The following NKAIN2 variants were observed in gnomAD, a reference collection of about 807,000 sequenced individuals.
The protein encoded by NKAIN2 is sodium/potassium transporting ATPase interacting 2.
A neutral mutation model predicts 32.6 loss-of-function variants in NKAIN2; 14 were observed. The observed-to-expected ratio is 0.43, with a 90% CI of 0.28 to 0.67. NKAIN2 has a LOEUF of 0.67. Among genes scored for constraint, NKAIN2 ranks in the 30% least tolerant of loss-of-function variants. NKAIN2 has a pLI of 0.17. For synonymous variants in NKAIN2, 80 were observed against 87.2 expected, an observed-to-expected ratio of 0.92 and a Z score of 0.46; for missense variants, 198 against 258.3, an observed-to-expected ratio of 0.77 and a Z score of 1.60.
At chr6:124,123,686 A>G (rs1786006021) in intron 1 of NKAIN2, among the ~76,000 whole-genome samples, 1 of 152,078 alleles carries the variant, frequency 6.6e-6, no homozygotes, top group South Asian at 2.1e-4. Context: ...TAATTCTCAT[A>G]ATGACTTTGT....
At chr6:124,093,771 C>T (rs1052153680) in intron 1 of NKAIN2, among the ~76,000 whole-genome samples, 2 of 152,014 alleles carry the variant, frequency 1.3e-5, no homozygotes, top group African/African-American at 2.4e-5. Flanking sequence ...TAAGGGAGCC[C>T]GCTATAGCAG....
chr6:124,154,268 A>G (rs536820825), intron 1 of NKAIN2, among the ~76,000 whole-genome samples: 115 of 151,988 alleles, frequency 7.6e-4, no homozygotes, highest in Admixed American at 1.8e-3. Flanking sequence ...TTTGAATGAT[A>G]TCACTGGATA....
chr6:124,372,376 A>C (rs1799807543), intron 3 of NKAIN2, among the ~76,000 whole-genome samples: 1 of 152,098 alleles, frequency 6.6e-6, no homozygotes, highest in Admixed American at 6.6e-5. Flanking sequence ...TCAGATCTTC[A>C]GGGTCTGTTC....
At chr6:124,788,314 C>G (rs1053459344) in intron 4 of NKAIN2, among the ~76,000 whole-genome samples, 1 of 152,000 alleles carries the variant, frequency 6.6e-6, no homozygotes, top group Admixed American at 6.6e-5. Flanking sequence ...AAAAGTGCTT[C>G]CCAACCCAAA....
At chr6:124,202,360 G>T (rs182161943) in intron 1 of NKAIN2, among the ~76,000 whole-genome samples, 10 of 152,042 alleles carry the variant, frequency 6.6e-5, no homozygotes, top group Admixed American at 6.6e-4. Flanking sequence ...CGATTCCTTA[G>T]CGAGGCAGAA....
Position 124,417,438 on chromosome 6 carries a change from C to G in NKAIN2, c.273+62091C>G, listed in dbSNP as rs73770497. ...CCTCTGAACAACAGAGAGAAATAGA[C>G]TGTAATATGTAAAAAATATTTACAC... On this transcript the variant is annotated intron_variant, in intron 3 of 6. Coordinates refer to ENST00000368417, the MANE Select transcript of NKAIN2 (RefSeq NM_001040214.3). 9.5e-3 allele frequency among the ~76,000 whole-genome samples: 1,447 copies of G among 152,212 alleles called. 20 individuals carry two copies. The highest frequency in any genetic ancestry group is 0.033 in the African/African-American group (1,382 of 41,538).
intron 1 of NKAIN2, among the ~76,000 whole-genome samples, chr6:123,842,674 GTT>G (rs5879704): frequency 6.8e-6 from 1 of 147,890 alleles, no homozygotes; most frequent in African/African-American, 2.5e-5. Flanking sequence ...CTATGTTTTT[GTT>G]TTTTTTTTCC....
chr6:123,917,502 G>A (rs1775555934), intron 1 of NKAIN2, among the ~76,000 whole-genome samples: 1 of 152,228 alleles, frequency 6.6e-6, no homozygotes, highest in South Asian at 2.1e-4. Flanking sequence ...CTTATCAATT[G>A]AAATTTCTCA....
chr6:124,679,449 C>T (rs2114499153), intron 4 of NKAIN2, among the ~76,000 whole-genome samples: 1 of 152,232 alleles, frequency 6.6e-6, no homozygotes, highest in South Asian at 2.1e-4. Flanking sequence ...AGGAAGAAGC[C>T]AGGAGCTGGA....
chr6:124,468,818 A>T (rs911222572), intron 3 of NKAIN2, among the ~76,000 whole-genome samples: 7 of 152,204 alleles, frequency 4.6e-5, no homozygotes, highest in African/African-American at 1.7e-4. Flanking sequence ...GAAAACAAAT[A>T]CACTAACATT....
chr6:123,835,143 T>C (rs990652317), intron 1 of NKAIN2, among the ~76,000 whole-genome samples: 1 of 152,206 alleles, frequency 6.6e-6, no homozygotes, highest in Non-Finnish European at 1.5e-5. Flanking sequence ...AAATAATGTG[T>C]TTACTTAAAT....
chr6:124,080,940 T>C (rs531676339), intron 1 of NKAIN2, among the ~76,000 whole-genome samples: 3 of 152,222 alleles, frequency 2.0e-5, no homozygotes, highest in Non-Finnish European at 4.4e-5. Context: ...ATAAACTAAC[T>C]CGCCTGCATA....
intron 1 of NKAIN2, among the ~76,000 whole-genome samples, chr6:124,282,659 T>G (rs1482053785): frequency 6.6e-6 from 1 of 152,222 alleles, no homozygotes; most frequent in Non-Finnish European, 1.5e-5. Context: ...ACAAACTCTT[T>G]ATGTGGACTT....
At chr6:124,756,342 G>T (rs1448159416) in intron 4 of NKAIN2, among the ~76,000 whole-genome samples, 1 of 152,064 alleles carries the variant, frequency 6.6e-6, no homozygotes, top group African/African-American at 2.4e-5. Flanking sequence ...TTAGACACAG[G>T]TGTGAACCCA....
At chr6:124,757,964 AG>A (rs1778045180) in intron 4 of NKAIN2, among the ~76,000 whole-genome samples, 1 of 152,170 alleles carries the variant, frequency 6.6e-6, no homozygotes, top group African/African-American at 2.4e-5. Context: ...CTCTTTATTG[AG>A]GGAAGATAGA....
intron 3 of NKAIN2, among the ~76,000 whole-genome samples, chr6:124,388,331 G>A (rs550033081): frequency 2.0e-5 from 3 of 150,460 alleles, no homozygotes; most frequent in African/African-American, 7.3e-5. Flanking sequence ...AAACCTCTAC[G>A]GTGGTGGTTC....
intron 1 of NKAIN2, among the ~76,000 whole-genome samples, chr6:124,095,785 T>TAACTG (rs1236199739): frequency 1.3e-5 from 2 of 152,166 alleles, no homozygotes; most frequent in Non-Finnish European, 2.9e-5. Context: ...TGTTTTTCTG[T>TAACTG]AAGCTGATTT....
chr6:124,711,588 C>T (rs1222763526), intron 4 of NKAIN2, among the ~76,000 whole-genome samples: 1 of 150,592 alleles, frequency 6.6e-6, no homozygotes, highest in Non-Finnish European at 1.5e-5. Context: ...ATTGCTGATA[C>T]CCTTTCTTCC....
chr6:123,817,557 C>T (rs981356256), intron 1 of NKAIN2, among the ~76,000 whole-genome samples: 2 of 152,138 alleles, frequency 1.3e-5, no homozygotes, highest in Non-Finnish European at 2.9e-5. Context: ...CTGTGAGAGT[C>T]ATGCTCTTTA....
Sources: allele counts gnomAD v4.1 joint callset (sites outside exome capture counted in the v4.1 genomes callset), GRCh38; gene constraint gnomAD v4.1.1; transcripts MANE v1.5; gene names NCBI Gene and HGNC (gene_info 2026-07-23, HGNC 2026-07-21).